Variants in PIK3C2G observed in about 807,000 individuals in gnomAD.
PIK3C2G encodes phosphatidylinositol 3-kinase C2 domain-containing subunit gamma.
In PIK3C2G, 168 loss-of-function variants were observed where a neutral mutation model predicts 181.1. The observed-to-expected ratio is 0.93, with a 90% CI of 0.82 to 1.05. The LOEUF is 1.05. Among genes scored for constraint, PIK3C2G ranks in the 50% least tolerant of loss-of-function variants. The pLI is 0.00. For missense variants in PIK3C2G, 1,869 were observed against 1,732.8 expected (o/e 1.08, Z -1.40); for synonymous variants, 573 against 592.2 (o/e 0.97, Z 0.47).
intron 31 of PIK3C2G, among the ~76,000 whole-genome samples, chr12:18,629,151 CT>C (rs1949234282): frequency 6.6e-6 from 1 of 152,194 alleles, no homozygotes; most frequent in Non-Finnish European, 1.5e-5. Context: ...CATACGATGC[CT>C]CTCCAATAAA....
At chr12:18,533,098 T>C (rs1002255162) in intron 24 of PIK3C2G, among the ~76,000 whole-genome samples, 6 of 152,130 alleles carry the variant, frequency 3.9e-5, no homozygotes, top group Non-Finnish European at 7.4e-5. Context: ...GTTTGCTTTG[T>C]ATATAATTTC....
intron 32 of PIK3C2G, among the ~76,000 whole-genome samples, chr12:18,641,141 C>G (rs1165834631): frequency 1.3e-5 from 2 of 152,098 alleles, no homozygotes; most frequent in Non-Finnish European, 2.9e-5. Context: ...ATGGCTGTCT[C>G]ATCCACAGGA....
In PIK3C2G at chr12:18,562,841, T is replaced by A; in HGVS notation, c.3729T>A (p.Thr1243=). Residue 1243 remains threonine (T), a synonymous_variant, in exon 27 of 33, where the codon ACT becomes ACA. Coordinates refer to ENST00000538779, the MANE Select transcript of PIK3C2G (RefSeq NM_001288772.2). Reference sequence around the variant, plus strand: ...AGGAATCCTGTTTGCTGAGTACAACTAGGTCGATTGAAAGAGCAACAATTT... The same window carrying A: ...AGGAATCCTGTTTGCTGAGTACAACAAGGTCGATTGAAAGAGCAACAATTT... The part of the protein sequence containing the change: ...FPQESCLLST[T]RSIERATILG... 6.2e-7 allele frequency: 1 copy of A among 1,607,254 alleles called. No homozygotes were observed. The highest frequency in any genetic ancestry group is 8.5e-7 in the Non-Finnish European group (1 of 1,176,306).
chr12:18,332,651 T>C (rs1411766992), intron 8 of PIK3C2G, among the ~76,000 whole-genome samples: 3 of 152,090 alleles, frequency 2.0e-5, no homozygotes, highest in Non-Finnish European at 4.4e-5. Context: ...AAGGAGCTTC[T>C]CATCTATGTC....
intron 11 of PIK3C2G, among the ~76,000 whole-genome samples, chr12:18,347,064 C>T (rs1276949291): frequency 2.6e-5 from 4 of 151,926 alleles, no homozygotes; most frequent in Non-Finnish European, 5.9e-5. Flanking sequence ...ATTGTCATTG[C>T]CAATATATCG....
chr12:18,694,181 G>T, the PIK3C2G span: 1 of 662,082 alleles, frequency 1.5e-6, no homozygotes, highest in Non-Finnish European at 2.6e-6. Context: ...TTGCCCAGAG[G>T]AATCTCTGTT....
chr12:18,625,858 G>C (rs1040857136), intron 31 of PIK3C2G, among the ~76,000 whole-genome samples: 1 of 151,612 alleles, frequency 6.6e-6, no homozygotes, highest in South Asian at 2.1e-4. Context: ...TTTGGTTTCA[G>C]TTTTCACAGA....
chr12:18,325,038 A>G lies in PIK3C2G; in HGVS notation c.1212A>G (p.Gln404=), dbSNP rs1035493932. The G allele has an allele frequency of 2.0e-6, 3 of 1,522,118 alleles. No individual in the cohort carries two copies. The highest frequency in any genetic ancestry group is 2.7e-6 in the Non-Finnish European group (3 of 1,110,392). The allele number at this position is 1,522,118 out of a possible 1,614,324, so 94.3% of individuals were successfully genotyped here. A position where few individuals can be genotyped will look rare whatever the true frequency, so the allele number is the denominator to read the frequency against. ...GTTTCTATTTTTTATTTTCCAGACAATGTCTCTTAACACTCATCAGAAAAT... is the reference window on the plus strand; with the variant it reads ...GTTTCTATTTTTTATTTTCCAGACAGTGTCTCTTAACACTCATCAGAAAAT... The part of the protein sequence containing the change: ...EFMHIWKVSR[Q]CLLTLIRKYD... The change falls in exon 8 of 33, where the codon CAA becomes CAG. Residue 404 remains glutamine (Q), a synonymous_variant. Coordinates refer to ENST00000538779, the MANE Select transcript of PIK3C2G (RefSeq NM_001288772.2).
chr12:18,718,143 A>G, the PIK3C2G span, among the ~76,000 whole-genome samples: 6 of 152,158 alleles, frequency 3.9e-5, no homozygotes, highest in Non-Finnish European at 8.8e-5. Context: ...TGTTTGGTAG[A>G]TTAGATATAC....
At chr12:18,640,603 T>C in intron 32 of PIK3C2G, 49 bp downstream of exon 32, 1 of 1,501,646 alleles carries the variant, frequency 6.7e-7, no homozygotes, top group South Asian at 1.3e-5. Flanking sequence ...TTTCTTACCA[T>C]TTTTCAGCTT....
chr12:18,299,832 T>C (rs1337719984), intron 5 of PIK3C2G, among the ~76,000 whole-genome samples: 1 of 151,990 alleles, frequency 6.6e-6, no homozygotes, highest in Non-Finnish European at 1.5e-5. Context: ...TGATGTATCA[T>C]GCATATTGAT....
At chr12:18,613,656 G>A (rs1277650840) in intron 31 of PIK3C2G, among the ~76,000 whole-genome samples, 1 of 151,944 alleles carries the variant, frequency 6.6e-6, no homozygotes, top group East Asian at 1.9e-4. Context: ...GGCATCTCTT[G>A]GTCCCATGGA....
chr12:18,497,502 C>T, intron 21 of PIK3C2G, 117 bp from the exon 22 acceptor site: 1 of 671,454 alleles, frequency 1.5e-6, no homozygotes, highest in Non-Finnish European at 2.2e-6. Flanking sequence ...CCATTAAAAC[C>T]ACTCTAAGTC....
the PIK3C2G span, among the ~76,000 whole-genome samples, chr12:18,704,279 G>T: frequency 6.6e-6 from 1 of 152,162 alleles, no homozygotes; most frequent in Non-Finnish European, 1.5e-5. Flanking sequence ...TGAACAGGTT[G>T]CAAGGAGACA....
At chr12:18,430,955 T>A (rs7485384) in intron 18 of PIK3C2G, among the ~76,000 whole-genome samples, 73 of 152,138 alleles carry the variant, frequency 4.8e-4, no homozygotes, top group African/African-American at 8.7e-4. Context: ...ATTTTTTTTT[T>A]AAATAATCTT....
At chr12:18,442,821 G>A (rs150330774) in intron 18 of PIK3C2G, among the ~76,000 whole-genome samples, 1 of 151,642 alleles carries the variant, frequency 6.6e-6, no homozygotes, top group Admixed American at 6.6e-5. Context: ...ATAGACTTGA[G>A]TTAGATCTGA....
intron 16 of PIK3C2G, among the ~76,000 whole-genome samples, chr12:18,408,697 C>T (rs926479012): frequency 6.6e-5 from 10 of 152,020 alleles, no homozygotes; most frequent in Non-Finnish European, 1.3e-4. Context: ...CTACGAAGAA[C>T]TTAAACAAAT....
At chr12:18,268,826 A>G (rs1948621126) in intron 1 of PIK3C2G, among the ~76,000 whole-genome samples, 1 of 152,176 alleles carries the variant, frequency 6.6e-6, no homozygotes, top group Non-Finnish European at 1.5e-5. Flanking sequence ...CCTTCCAAAA[A>G]ATTTCTAGAT....
At chr12:18,519,178 C>T (rs550113168) in intron 24 of PIK3C2G, among the ~76,000 whole-genome samples, 1 of 152,252 alleles carries the variant, frequency 6.6e-6, no homozygotes, top group South Asian at 2.1e-4. Flanking sequence ...TAAGTAAGTG[C>T]CATGTGGCAC....
Sources: gnomAD v4.1 joint callset for allele counts (sites outside exome capture counted in the v4.1 genomes callset) on GRCh38, gnomAD v4.1.1 for gene constraint, MANE v1.5 for transcripts, NCBI Gene and HGNC (gene_info 2026-07-23, HGNC 2026-07-21) for gene names.